The following NRG1 variants were observed in gnomAD, a reference collection of about 807,000 sequenced individuals.
The protein encoded by NRG1 is neuregulin 1, also known as pro-neuregulin-1, membrane-bound isoform.
Under a neutral mutation model 63.8 loss-of-function variants are expected in NRG1, and 18 were observed. The observed-to-expected ratio is 0.28, with a 90% CI of 0.19 to 0.42. NRG1 has a LOEUF of 0.42. NRG1 is among the 10% of genes least tolerant of loss of function. The pLI is 1.00. For missense variants in NRG1, 762 were observed against 814.7 expected, an observed-to-expected ratio of 0.94 and a Z score of 0.79; for synonymous variants, 302 against 301.3, an observed-to-expected ratio of 1.00 and a Z score of -0.02.
chr8:32,618,403 A>C (rs1443575923), intron 5 of NRG1, among the ~76,000 whole-genome samples: 8 of 152,188 alleles, frequency 5.3e-5, no homozygotes, highest in Non-Finnish European at 4.4e-5. Context: ...AATGTAAAAA[A>C]ATACTTTTGG....
chr8:31,649,019 C>T (rs1053706229), intron 1 of NRG1, among the ~76,000 whole-genome samples: 3 of 150,338 alleles, frequency 2.0e-5, no homozygotes, highest in Non-Finnish European at 4.4e-5. Context: ...AGTGCAGTGG[C>T]ACGATCTTGG....
intron 1 of NRG1, among the ~76,000 whole-genome samples, chr8:32,162,222 A>G (rs1270066812): frequency 1.3e-5 from 2 of 152,242 alleles, no homozygotes; most frequent in Non-Finnish European, 2.9e-5. Context: ...ATTGATATGA[A>G]AGAAATATTT....
chr8:32,294,546 G>A (rs980816489), intron 1 of NRG1, among the ~76,000 whole-genome samples: 1 of 152,074 alleles, frequency 6.6e-6, no homozygotes, highest in African/African-American at 2.4e-5. Context: ...TTAGAACTTA[G>A]TCTTGTTACT....
At chr8:32,256,047 T>A (rs901451503) in intron 1 of NRG1, among the ~76,000 whole-genome samples, 5 of 152,228 alleles carry the variant, frequency 3.3e-5, no homozygotes, top group African/African-American at 1.2e-4. Context: ...ATGCAGTGTT[T>A]TTCAGCTCCA....
intron 1 of NRG1, among the ~76,000 whole-genome samples, chr8:32,373,764 C>T (rs935415971): frequency 4.6e-5 from 7 of 151,852 alleles, no homozygotes; most frequent in African/African-American, 7.3e-5. Context: ...GGTGACAGAG[C>T]GAGATCCTGT....
intron 1 of NRG1, among the ~76,000 whole-genome samples, chr8:32,114,184 G>C (rs1247759138): frequency 6.6e-6 from 1 of 152,228 alleles, no homozygotes; most frequent in African/African-American, 2.4e-5. Context: ...AGAGAAGCCA[G>C]CCAGGTTCAA....
chr8:32,178,214 A>C (rs1841015549), intron 1 of NRG1, among the ~76,000 whole-genome samples: 1 of 152,164 alleles, frequency 6.6e-6, no homozygotes, highest in African/African-American at 2.4e-5. Flanking sequence ...ATGAAACTAG[A>C]GGTAGAGTCA....
At chr8:32,564,164 C>T (rs1837001369) in intron 1 of NRG1, among the ~76,000 whole-genome samples, 1 of 151,916 alleles carries the variant, frequency 6.6e-6, no homozygotes, top group African/African-American at 2.4e-5. Context: ...AATAATTAAG[C>T]GTTGGCTGAT....
chr8:32,466,371 CA>C (rs35722571), intron 1 of NRG1, among the ~76,000 whole-genome samples: 1,805 of 124,900 alleles, frequency 0.014, 5 homozygotes, highest in African/African-American at 0.026. Context: ...ACCTTGACAT[CA>C]AAAAAAAAAA....
chr8:32,480,670 C>T (rs1218747633), intron 1 of NRG1, among the ~76,000 whole-genome samples: 5 of 152,090 alleles, frequency 3.3e-5, no homozygotes, highest in East Asian at 1.9e-4. Context: ...ATAAAGGTAG[C>T]GTGGTGCTAG....
At chr8:31,897,575 C>G (rs988730192) in intron 1 of NRG1, among the ~76,000 whole-genome samples, 1 of 152,142 alleles carries the variant, frequency 6.6e-6, no homozygotes. Flanking sequence ...CATTTACAAT[C>G]TATTCTCTCT....
intron 1 of NRG1, among the ~76,000 whole-genome samples, chr8:31,913,385 T>C (rs1483307338): frequency 6.6e-6 from 1 of 152,204 alleles, no homozygotes. Flanking sequence ...ACAAATATTT[T>C]CCCATCATTC....
At chr8:32,086,856 A>G (rs1301606512) in intron 1 of NRG1, among the ~76,000 whole-genome samples, 5 of 152,240 alleles carry the variant, frequency 3.3e-5, no homozygotes, top group Non-Finnish European at 7.3e-5. Context: ...ATAATGAGTC[A>G]GTCTTCTTGA....
chr8:32,510,809 C>A (rs76178835), intron 1 of NRG1, among the ~76,000 whole-genome samples: 8 of 152,040 alleles, frequency 5.3e-5, no homozygotes, highest in Non-Finnish European at 2.9e-5. Flanking sequence ...CCAGGCCATA[C>A]CCTGGGCCAT....
At chr8:31,743,738 A>T (rs2131414879) in intron 1 of NRG1, among the ~76,000 whole-genome samples, 1 of 152,134 alleles carries the variant, frequency 6.6e-6, no homozygotes, top group South Asian at 2.1e-4. Flanking sequence ...AAGCTCCAGC[A>T]GATCCTTTCT....
rs1851345713 is a variant in NRG1, at chr8:32,269,652, C to T, written c.38-326176C>T. ...CTCTGAGTTACAGTTAGTCTGGGAG[C>T]TTTTGAAGTGAAACTGTCATAGGGA... is the stretch of plus-strand genomic sequence containing the variant. On this transcript the variant is annotated intron_variant, in intron 1 of 10. Coordinates refer to the NRG1 transcript ENST00000519301. 3.9e-5 allele frequency among the ~76,000 whole-genome samples: 6 copies of T among 152,068 alleles called. No individual in the cohort carries two copies. The South Asian group carries it at 1.2e-3, about 32-fold the overall frequency.
intron 1 of NRG1, among the ~76,000 whole-genome samples, chr8:32,208,813 A>G (rs566688083): frequency 7.2e-5 from 11 of 152,326 alleles, no homozygotes; most frequent in Non-Finnish European, 1.3e-4. Flanking sequence ...AGAAATTTTT[A>G]ATGTACTATG....
intron 1 of NRG1, among the ~76,000 whole-genome samples, chr8:32,412,008 T>C (rs1242352048): frequency 1.3e-5 from 2 of 152,276 alleles, no homozygotes; most frequent in African/African-American, 2.4e-5. Context: ...TCTGTGGGAA[T>C]GTTTCTGGAT....
In NRG1 at chr8:31,640,501, G is replaced by A. The variant is rs1239324301; in HGVS notation, c.37+1070G>A. 1.9e-6 allele frequency: 3 copies of A among 1,609,850 alleles called. No individual in the cohort carries two copies. Among genetic ancestry groups the A allele is most frequent in the East Asian group, 2.2e-5 (1 of 44,634 alleles). On this transcript the variant is annotated intron_variant, in intron 1 of 10. Coordinates refer to the NRG1 transcript ENST00000519301. The surrounding 1 kb of genome is among the most constrained non-coding windows in gnomAD (Gnocchi z 6.3). ...GCACCAGGTGTGGGCGGTGAAAGCC[G>A]GGGGCTTGAAGAAGGACTCGCTGCT...
Sources: allele counts gnomAD v4.1 joint callset (sites outside exome capture counted in the v4.1 genomes callset), GRCh38; gene constraint gnomAD v4.1.1; non-coding constraint Gnocchi (gnomAD v3.1); transcripts MANE v1.5; gene names NCBI Gene and HGNC (gene_info 2026-07-23, HGNC 2026-07-21).